The following ZMAT3 variants were observed in gnomAD, a reference collection of about 807,000 sequenced individuals.
The protein encoded by ZMAT3 is zinc finger matrin-type protein 3.
ZMAT3 carries 17 observed loss-of-function variants against 32.3 expected under a neutral mutation model. That is an observed-to-expected ratio of 0.53 (90% CI 0.36 to 0.79). The LOEUF is 0.79. Ranked by LOEUF, ZMAT3 falls within the 30% of genes least tolerant of loss-of-function variation. The probability of loss-of-function intolerance (pLI) is 0.00; values close to 1 mark genes in which losing one functional copy is unlikely to be tolerated. For synonymous variants in ZMAT3, 120 were observed against 133.1 expected (o/e 0.90, Z 0.68); for missense variants, 329 against 359.7 (o/e 0.91, Z 0.69).
intron 2 of ZMAT3, among the ~76,000 whole-genome samples, chr3:179,033,108 T>C (rs1043145561): frequency 6.6e-6 from 1 of 152,180 alleles, no homozygotes; most frequent in Non-Finnish European, 1.5e-5. Context: ...TAGAAAGAAG[T>C]AGACATAGGA....
rs773035555 is a variant in ZMAT3 at position 179,049,853 on chromosome 3, G to A, written c.270+17630C>T. Among the ~76,000 whole-genome samples, 5 of 151,722 alleles carry A rather than the reference G, an allele frequency of 3.3e-5. No homozygotes were observed. The South Asian group carries it at 6.2e-4, about 19-fold the overall frequency. On this transcript the variant is annotated intron_variant, in intron 2 of 5. Transcript: ENST00000311417. ...TAAAAATACAAAAAATTAGCTGGGC[G>A]TGGTGGTGGGCGCCTGTAGTCTCAG...
chr3:179,025,501 C>T (rs1351731610), intron 5 of ZMAT3, among the ~76,000 whole-genome samples: 6 of 152,128 alleles, frequency 3.9e-5, no homozygotes, highest in South Asian at 2.1e-4. Flanking sequence ...AAAGTGAATA[C>T]GCTTTTAAAA....
rs1560080410 is a variant in ZMAT3, at chr3:179,022,282, A to T, written c.*2735T>A. 6.6e-6 allele frequency: 1 copy of T among 152,208 alleles called. No individual in the cohort carries two copies. 9.4% of individuals were successfully genotyped at this position (152,208 alleles called of 1,614,324 possible). On this transcript the variant is annotated 3_prime_UTR_variant, in exon 6 of 6. Transcript: ENST00000311417. ...ATTGTTAAGTGGAGAGAGCAAGGGG[A>T]ACCCTTCTTATAAAACTATTTCCAA... is the stretch of plus-strand genomic sequence containing the variant.
In ZMAT3 at chr3:179,025,116, T is replaced by G. The variant is rs1718796125; in HGVS notation, c.771A>C (p.Glu257Asp). The change falls in exon 6 of 6, where the codon GAA (glutamate) becomes GAC (aspartate). Residue 257 changes from glutamate to aspartate, a missense_variant. Glu to Asp is a conservative substitution (Grantham distance 45). Transcript: ENST00000311417. Reference sequence around the variant, plus strand: ...CTAAATGCTGCCGGAATTCCATCTCTTCGCCAGCTCCAACATTACACATTG... The same window carrying G: ...CTAAATGCTGCCGGAATTCCATCTCGTCGCCAGCTCCAACATTACACATTG... ...YCSMCNVGAG[E>D]EMEFRQHLES... The G allele has an allele frequency of 6.2e-7, 1 of 1,614,114 alleles. No individual in the cohort carries two copies. The highest frequency in any genetic ancestry group is 1.3e-5 in the African/African-American group (1 of 74,942).
intron 2 of ZMAT3, among the ~76,000 whole-genome samples, chr3:179,058,722 C>G (rs1456746078): frequency 2.2e-4 from 32 of 146,202 alleles, no homozygotes; most frequent in Admixed American, 1.0e-3. Context: ...CGCCACTGCA[C>G]TCCAGCCTGG....
chr3:179,033,521 GAAAGA>G (rs199514059), intron 2 of ZMAT3, among the ~76,000 whole-genome samples: 45 of 126,966 alleles, frequency 3.5e-4, no homozygotes, highest in South Asian at 9.8e-4. Flanking sequence ...AAAAAGGAAA[GAAAGA>G]AAAGAAAAGA....
chr3:179,069,633 T>G (rs1222140893), intron 1 of ZMAT3, among the ~76,000 whole-genome samples: 2 of 152,220 alleles, frequency 1.3e-5, no homozygotes, highest in African/African-American at 2.4e-5. Flanking sequence ...TTACCATATT[T>G]GATAACTACA....
intron 5 of ZMAT3, 64 bp downstream of exon 5, chr3:179,027,359 G>A (rs550470068): frequency 7.7e-5 from 110 of 1,421,632 alleles, no homozygotes; most frequent in Non-Finnish European, 6.4e-5. Flanking sequence ...ATCATTAAAA[G>A]AAATAAAAAC....
At chr3:179,030,576 G>C (rs865825166) in intron 3 of ZMAT3, among the ~76,000 whole-genome samples, 1 of 152,030 alleles carries the variant, frequency 6.6e-6, no homozygotes. Context: ...TGATGGTCTC[G>C]ATCTCTTGAC....
chr3:179,072,034 C>A (rs1485426637), upstream of ZMAT3: 1 of 152,538 alleles, frequency 6.6e-6, no homozygotes, highest in African/African-American at 2.4e-5. Context: ...CGGGAGGGTC[C>A]CGCCGCCAAT....
chr3:179,072,082 C>G (rs1382089073), upstream of ZMAT3: 1 of 152,460 alleles, frequency 6.6e-6, no homozygotes, highest in Non-Finnish European at 1.5e-5. Flanking sequence ...CAGCAGATGC[C>G]CTGGAAAGTT....
rs1164517696 is a variant in ZMAT3 at position 179,023,710 on chromosome 3, ATTTTT to A, written c.*1302_*1306del. 1.6e-4 allele frequency: 4 copies of A among 25,056 alleles called. No individual in the cohort carries two copies. Among genetic ancestry groups the A allele is most frequent in the African/African-American group, 2.7e-4 (1 of 3,680 alleles). The allele number at this position is 25,056 out of a possible 1,614,324, so 1.6% of individuals were successfully genotyped here. A position where few individuals can be genotyped will look rare whatever the true frequency, so the allele number is the denominator to read the frequency against. On this transcript the variant is annotated 3_prime_UTR_variant, in exon 6 of 6. Transcript: ENST00000311417. ...GGAAAATATATCTATATATATATATATTTTTTTTTTTTTTTTTTTTTTTTTTTTGA... is the reference window on the plus strand; with the variant it reads ...GGAAAATATATCTATATATATATATATTTTTTTTTTTTTTTTTTTTTTTGA...
intron 2 of ZMAT3, among the ~76,000 whole-genome samples, chr3:179,064,093 C>T (rs903247035): frequency 2.0e-5 from 3 of 152,228 alleles, no homozygotes; most frequent in African/African-American, 7.2e-5. Context: ...AGTGTAACCA[C>T]CATTGTTTAC....
At chr3:179,069,678 A>T (rs759577314) in intron 1 of ZMAT3, among the ~76,000 whole-genome samples, 9 of 152,200 alleles carry the variant, frequency 5.9e-5, no homozygotes, top group Non-Finnish European at 1.0e-4. Context: ...CTTTCAGACG[A>T]AATTTGGGGT....
chr3:179,040,761 T>C (rs1164217578), intron 2 of ZMAT3, among the ~76,000 whole-genome samples: 1 of 152,084 alleles, frequency 6.6e-6, no homozygotes, highest in Non-Finnish European at 1.5e-5. Flanking sequence ...AATGCCCCAA[T>C]TAAAAGACAC....
At position 179,022,734 on chromosome 3, in the gene ZMAT3, G is replaced by A. The variant is rs1276727903; in HGVS notation, c.*2283C>T. On this transcript the variant is annotated 3_prime_UTR_variant, in exon 6 of 6. Transcript: ENST00000311417. ...TTTGATTCTTCTGTTTCTGGGAGAA[G>A]AAAAGTTACAAAATAATTCTACTTC... is the stretch of plus-strand genomic sequence containing the variant. 6.6e-6 allele frequency: 1 copy of A among 151,926 alleles called. No individual in the cohort carries two copies. Among genetic ancestry groups the A allele is most frequent in the African/African-American group, 2.4e-5 (1 of 41,388 alleles). The allele number at this position is 151,926 out of a possible 1,614,324, so 9.4% of individuals were successfully genotyped here. A position where few individuals can be genotyped will look rare whatever the true frequency, so the allele number is the denominator to read the frequency against.
intron 2 of ZMAT3, among the ~76,000 whole-genome samples, chr3:179,058,253 T>C (rs1393880176): frequency 6.6e-6 from 1 of 152,198 alleles, no homozygotes; most frequent in Non-Finnish European, 1.5e-5. Flanking sequence ...TTTACTTAAA[T>C]ATCAGGCTCT....
Position 179,021,609 on chromosome 3 carries a change from G to T in ZMAT3, c.*3408C>A, listed in dbSNP as rs569098614. The stretch of plus-strand genomic sequence containing the variant: ...CCATCCTTGAAGACAGCATAGAAAA[G>T]GACACTAACATAATTCCTGGGGAGC... On this transcript the variant is annotated 3_prime_UTR_variant, in exon 6 of 6. Coordinates refer to ENST00000311417, the MANE Select transcript of ZMAT3 (RefSeq NM_022470.4). The T allele has an allele frequency of 6.6e-6, 1 of 152,022 alleles. No homozygotes were observed. Among genetic ancestry groups the T allele is most frequent in the Admixed American group, 6.6e-5 (1 of 15,258 alleles). 9.4% of individuals were successfully genotyped at this position (152,022 alleles called of 1,614,324 possible).
rs111971012 is a variant in ZMAT3 at position 179,030,926 on chromosome 3, T to C, written c.344A>G (p.Asn115Ser). ...NSCPPPARMS[N>S]VVEPAATPVV... ...TGGAGTAGCTGCAGGCTCGACCACATTGCTCATTCTAGCAGGAGGAGGACA... is the reference window on the plus strand; with the variant it reads ...TGGAGTAGCTGCAGGCTCGACCACACTGCTCATTCTAGCAGGAGGAGGACA... The change falls in exon 3 of 6, where the codon AAT becomes AGT. Residue 115 changes from asparagine to serine, a missense_variant. Physicochemically the swap from Asn to Ser is conservative, Grantham distance 46. Coordinates refer to ENST00000311417, the MANE Select transcript of ZMAT3 (RefSeq NM_022470.4). The C allele has an allele frequency of 8.4e-5, 135 of 1,613,920 alleles. 1 individual carries two copies. The African/African-American group carries it at 1.0e-3, about 12-fold the overall frequency.
Sources: allele counts gnomAD v4.1 joint callset (sites outside exome capture counted in the v4.1 genomes callset), GRCh38; gene constraint gnomAD v4.1.1; transcripts MANE v1.5; gene names NCBI Gene and HGNC (gene_info 2026-07-23, HGNC 2026-07-21).